CD226: variants seen among roughly 807,000 people sequenced by gnomAD.
CD226 encodes CD226 molecule.
CD226 carries 24 observed loss-of-function variants against 34.9 expected under a neutral mutation model. That is an observed-to-expected ratio of 0.69 (90% CI 0.50 to 0.97). The LOEUF (loss-of-function observed/expected upper bound fraction) is 0.97. Among genes scored for constraint, CD226 ranks in the 50% least tolerant of loss-of-function variants. The pLI, the probability that CD226 is intolerant of heterozygous loss-of-function variation, is 0.00. For missense variants in CD226, 397 were observed against 412.7 expected (o/e 0.96, Z 0.33); for synonymous variants, 148 against 147.4 (o/e 1.00, Z -0.03).
At chr18:69,887,248 C>T (rs1790599) in intron 3 of CD226, among the ~76,000 whole-genome samples, 29,518 of 151,908 alleles carry the variant, frequency 0.19, 3,606 homozygotes, top group African/African-American at 0.35. Flanking sequence ...GTTTACCATA[C>T]GGCAGGTTGA....
At chr18:69,900,621 A>C (rs993592271) in intron 2 of CD226, among the ~76,000 whole-genome samples, 1 of 149,930 alleles carries the variant, frequency 6.7e-6, no homozygotes, top group African/African-American at 2.5e-5. Context: ...AGTCCCAGCT[A>C]CTCGGGAGGC....
At chr18:69,874,253 C>T (rs1476818766) in intron 3 of CD226, among the ~76,000 whole-genome samples, 1 of 152,142 alleles carries the variant, frequency 6.6e-6, no homozygotes, top group Non-Finnish European at 1.5e-5. Flanking sequence ...CAATCAACTG[C>T]GATTAGAGAA....
At chr18:69,948,830 G>A (rs1034817407), upstream of CD226, among the ~76,000 whole-genome samples, 9 of 152,158 alleles carry the variant, frequency 5.9e-5, no homozygotes, top group Admixed American at 3.3e-4. Flanking sequence ...CAATCATAAA[G>A]AGGACACATC....
At chr18:69,911,083 A>G (rs188220236) in intron 2 of CD226, among the ~76,000 whole-genome samples, 14 of 152,372 alleles carry the variant, frequency 9.2e-5, no homozygotes, top group African/African-American at 3.4e-4. Context: ...CTGGTGCACA[A>G]GAAACAATGT....
chr18:69,945,286 T>C (rs889497765), intron 2 of CD226, among the ~76,000 whole-genome samples: 1 of 152,192 alleles, frequency 6.6e-6, no homozygotes, highest in Non-Finnish European at 1.5e-5. Context: ...ATTCAACAAG[T>C]AGAATGGCAC....
At chr18:69,872,024 G>T (rs1483164187) in intron 4 of CD226, among the ~76,000 whole-genome samples, 2 of 151,066 alleles carry the variant, frequency 1.3e-5, no homozygotes, top group Non-Finnish European at 2.9e-5. Context: ...GAAGAGACAA[G>T]ATGGAGAGAC....
chr18:69,859,864 A>T lies in CD226; in HGVS notation c.*4450T>A, dbSNP rs1025247284. 3 of 152,096 alleles carry T rather than the reference A, an allele frequency of 2.0e-5. No homozygotes were observed. The highest frequency in any genetic ancestry group is 7.2e-5 in the African/African-American group (3 of 41,400). 9.4% of individuals were successfully genotyped at this position (152,096 alleles called of 1,614,324 possible). A position where few individuals can be genotyped will look rare whatever the true frequency, so the allele number is the denominator to read the frequency against. Reference sequence around the variant, plus strand: ...GAGGCAGGTGGATCACCTGAGGTCCAGAGTTCAAGACAAGTCTGACCAACG... The same window carrying T: ...GAGGCAGGTGGATCACCTGAGGTCCTGAGTTCAAGACAAGTCTGACCAACG... On this transcript the variant is annotated 3_prime_UTR_variant, in exon 6 of 6. Transcript: ENST00000582621.
rs541223741 is a variant in CD226 at position 69,926,842 on chromosome 18, G to C, written c.382+19892C>G. Among the ~76,000 whole-genome samples, 30 of 152,296 alleles carry C rather than the reference G, an allele frequency of 2.0e-4. 2 individuals carry two copies. The South Asian group carries it at 6.0e-3, about 30-fold the overall frequency. ...TGAAGAAACTTTTCAGACATCACCA[G>C]ATGAGTTAGGAGCAGGACAGAACTC... On this transcript the variant is annotated intron_variant, in intron 2 of 5. Transcript: ENST00000582621.
At chr18:69,875,563 C>G (rs1225425460) in intron 3 of CD226, among the ~76,000 whole-genome samples, 2 of 152,208 alleles carry the variant, frequency 1.3e-5, no homozygotes, top group African/African-American at 4.8e-5. Flanking sequence ...TATCTCTTGC[C>G]TTTTTGATAA....
Position 69,877,028 on chromosome 18 carries a change from T to G in CD226, c.728-3782A>C, listed in dbSNP as rs1381042483. ...ACAGGCACCCGCCACTACGTCCAGCTAATTTTTGTATTTTTAGTAGAGACG... is the reference window on the plus strand; with the variant it reads ...ACAGGCACCCGCCACTACGTCCAGCGAATTTTTGTATTTTTAGTAGAGACG... On this transcript the variant is annotated intron_variant, in intron 3 of 5. Coordinates refer to ENST00000582621, the MANE Select transcript of CD226 (RefSeq NM_001303618.2). Among the ~76,000 whole-genome samples, 6 of 152,042 alleles carry G rather than the reference T, an allele frequency of 3.9e-5. No individual in the cohort carries two copies. The East Asian group carries it at 1.2e-3, about 29-fold the overall frequency.
At chr18:69,941,449 C>A (rs1227968908) in intron 2 of CD226, among the ~76,000 whole-genome samples, 2 of 152,230 alleles carry the variant, frequency 1.3e-5, no homozygotes, top group Non-Finnish European at 2.9e-5. Context: ...CTGCCCAAGA[C>A]CATGGGTGCC....
In CD226 at chr18:69,861,542, G is replaced by GTATATATATGTGTATATA. The variant is rs1555675777; in HGVS notation, c.*2771_*2772insTATATACACATATATATA. The GTATATATATGTGTATATA allele has an allele frequency of 4.8e-5, 2 of 41,526 alleles. No homozygotes were observed. The highest frequency in any genetic ancestry group is 1.3e-4 in the Non-Finnish European group (2 of 15,316). The allele number at this position is 41,526 out of a possible 1,614,324, so 2.6% of individuals were successfully genotyped here. On this transcript the variant is annotated 3_prime_UTR_variant, in exon 6 of 6. Transcript: ENST00000582621. Reference sequence around the variant, plus strand: ...TTATCCATCGATATAAATTATATGTGTATATATATATGTATATATATATAT... The same window carrying GTATATATATGTGTATATA: ...TTATCCATCGATATAAATTATATGTGTATATATATGTGTATATATATATATATATGTATATATATATAT...
intron 3 of CD226, among the ~76,000 whole-genome samples, chr18:69,889,905 T>G (rs2145227568): frequency 6.6e-6 from 1 of 152,362 alleles, no homozygotes. Flanking sequence ...TCTATTCAGA[T>G]GACCAGCAAT....
At chr18:69,934,300 A>G (rs2055624922) in intron 2 of CD226, among the ~76,000 whole-genome samples, 1 of 151,904 alleles carries the variant, frequency 6.6e-6, no homozygotes. Context: ...ACACACACAC[A>G]CACACACACA....
intron 2 of CD226, among the ~76,000 whole-genome samples, chr18:69,917,666 T>C (rs1347739000): frequency 1.3e-5 from 2 of 152,192 alleles, no homozygotes; most frequent in African/African-American, 2.4e-5. Context: ...AGTTGATAGT[T>C]TGAGTTTACT....
chr18:69,935,198 T>A (rs1368825332), intron 2 of CD226, among the ~76,000 whole-genome samples: 1 of 152,262 alleles, frequency 6.6e-6, no homozygotes, highest in Non-Finnish European at 1.5e-5. Context: ...TGCTTTTGAA[T>A]ATCTCAAATC....
chr18:69,902,500 C>T (rs1319956240), intron 2 of CD226, among the ~76,000 whole-genome samples: 1 of 151,688 alleles, frequency 6.6e-6, no homozygotes, highest in Non-Finnish European at 1.5e-5. Context: ...TTGCCTGCCT[C>T]TCCTCTCTCC....
At chr18:69,939,025 G>T (rs769643290) in intron 2 of CD226, among the ~76,000 whole-genome samples, 1 of 152,212 alleles carries the variant, frequency 6.6e-6, no homozygotes. Flanking sequence ...GGCAGAGGTT[G>T]CAATGAGCTG....
chr18:69,926,775 A>G (rs986613753), intron 2 of CD226, among the ~76,000 whole-genome samples: 15 of 152,358 alleles, frequency 9.8e-5, no homozygotes, highest in African/African-American at 3.6e-4. Flanking sequence ...CATATTATAC[A>G]TGAGTACTTT....
Sources: gnomAD v4.1 joint callset for allele counts (sites outside exome capture counted in the v4.1 genomes callset) on GRCh38, gnomAD v4.1.1 for gene constraint, MANE v1.5 for transcripts, NCBI Gene and HGNC (gene_info 2026-07-23, HGNC 2026-07-21) for gene names.